The following RALY variants were observed in gnomAD, a reference collection of about 807,000 sequenced individuals.
RALY encodes the protein RALY heterogeneous nuclear ribonucleoprotein.
In RALY, 15 loss-of-function variants were observed where a neutral mutation model predicts 30.7. The observed-to-expected ratio is 0.49, with a 90% CI of 0.33 to 0.75. The LOEUF is 0.75. Ranked by LOEUF, RALY falls within the 30% of genes least tolerant of loss-of-function variation. The pLI, the probability that RALY is intolerant of heterozygous loss-of-function variation, is 0.02. For synonymous variants in RALY, 177 were observed against 170.8 expected (o/e 1.04, Z -0.28); for missense variants, 339 against 414.3 (o/e 0.82, Z 1.58).
chr20:34,078,478 TG>T, intron 8 of RALY, 26 bp from the exon 9 acceptor site: 1 of 1,549,638 alleles, frequency 6.5e-7, no homozygotes, highest in Admixed American at 2.0e-5. Flanking sequence ...GAGTGATGTG[TG>T]GTCTCTCTTA....
intron 1 of RALY, among the ~76,000 whole-genome samples, chr20:34,028,723 A>AC (rs2032145127): frequency 6.6e-6 from 1 of 150,868 alleles, no homozygotes. Context: ...AAAAAAAAAA[A>AC]AAAAAAAAAA....
At chr20:34,054,633 C>G (rs972127899) in intron 2 of RALY, among the ~76,000 whole-genome samples, 2 of 152,106 alleles carry the variant, frequency 1.3e-5, no homozygotes, top group Non-Finnish European at 2.9e-5. Context: ...CGAGACCAGC[C>G]TGACCAATGT....
chr20:34,049,021 G>A (rs182423393), intron 2 of RALY: 1 of 152,184 alleles, frequency 6.6e-6, no homozygotes, highest in Non-Finnish European at 1.5e-5. Flanking sequence ...TATTAGGAGA[G>A]ATTAGAAAGG....
rs150990636 is a variant in RALY at position 34,034,853 on chromosome 20, A to T, written c.-10+3249A>T. 8.3e-4 allele frequency among the ~76,000 whole-genome samples: 127 copies of T among 152,256 alleles called. 4 individuals are homozygous for T. The East Asian group carries it at 0.023, about 27-fold the overall frequency. ...CTGAAAGGGGAGGGGTGAAAGAAGA[A>T]GTTAAAACAACAGTCTGGGCCGGGT... On this transcript the variant is annotated intron_variant, in intron 2 of 9. Coordinates refer to ENST00000246194, the MANE Select transcript of RALY (RefSeq NM_016732.3).
chr20:34,051,852 G>A (rs146277014), intron 2 of RALY, among the ~76,000 whole-genome samples: 1 of 152,308 alleles, frequency 6.6e-6, no homozygotes, highest in African/African-American at 2.4e-5. Context: ...TGATCCAGGT[G>A]CCTTGGCCTC....
intron 1 of RALY, among the ~76,000 whole-genome samples, chr20:34,004,162 C>T (rs2031055663): frequency 6.6e-6 from 1 of 152,176 alleles, no homozygotes; most frequent in Admixed American, 6.5e-5. Context: ...GAAGAGATTG[C>T]TTCCTTTGTA....
At chr20:34,035,536 T>C (rs575471873) in intron 2 of RALY, among the ~76,000 whole-genome samples, 16 of 152,118 alleles carry the variant, frequency 1.1e-4, no homozygotes, top group African/African-American at 3.9e-4. Context: ...TTTTTTATGA[T>C]ATCCTACATT....
Position 34,076,826 on chromosome 20 carries a change from G to A in RALY, c.658+11G>A. The A allele has an allele frequency of 6.2e-7, 1 of 1,612,888 alleles. No homozygotes were observed. The highest frequency in any genetic ancestry group is 1.1e-5 in the South Asian group (1 of 90,862). ...AAAAGGCCAATCCAGGTCAGCCTCTGAGGATTCTCACCCACCTCCATGACC... is the reference window on the plus strand; with the variant it reads ...AAAAGGCCAATCCAGGTCAGCCTCTAAGGATTCTCACCCACCTCCATGACC... On this transcript the variant is annotated intron_variant, in intron 7 of 9. Transcript: ENST00000246194.
chr20:34,060,114 C>G (rs1166819413), intron 2 of RALY, among the ~76,000 whole-genome samples: 1 of 152,144 alleles, frequency 6.6e-6, no homozygotes, highest in African/African-American at 2.4e-5. Flanking sequence ...CTTGAAGAGA[C>G]TTTATCGCAT....
chr20:34,031,048 TC>T (rs1397542517), intron 1 of RALY, among the ~76,000 whole-genome samples: 5 of 51,052 alleles, frequency 9.8e-5, no homozygotes, highest in African/African-American at 1.9e-4. Context: ...CTCCCCTTCC[TC>T]CCCCCCTTTT....
intron 2 of RALY, among the ~76,000 whole-genome samples, chr20:34,033,736 A>T (rs1353168671): frequency 2.0e-5 from 3 of 152,158 alleles, no homozygotes; most frequent in Non-Finnish European, 2.9e-5. Context: ...AGAGGTTTGG[A>T]GGAGTCCACC....
At chr20:34,068,177 A>G (rs2033631331) in intron 2 of RALY, among the ~76,000 whole-genome samples, 1 of 152,064 alleles carries the variant, frequency 6.6e-6, no homozygotes, top group South Asian at 2.1e-4. Context: ...TGCTAAACCT[A>G]GGACCCCTGG....
rs183162007 is a variant in RALY at position 34,022,633 on chromosome 20, C to T, written c.-92-8889C>T. Among the ~76,000 whole-genome samples the T allele has an allele frequency of 7.9e-5, 12 of 152,308 alleles. No individual in the cohort carries two copies. In the East Asian group the frequency reaches 2.1e-3, roughly 27 times the overall value. ...CTCTCCCTGCCACTCTACTGAGCCT[C>T]CTATGCCTCACTTCCTTTTTCCTTC... On this transcript the variant is annotated intron_variant, in intron 1 of 9. Transcript: ENST00000246194.
At chr20:34,003,640 T>TG (rs1555800475) in intron 1 of RALY, among the ~76,000 whole-genome samples, 1 of 142,948 alleles carries the variant, frequency 7.0e-6, no homozygotes, top group African/African-American at 2.7e-5. Context: ...AACAGTTTTT[T>TG]TTTTTTTTTT....
chr20:34,076,805 G>A lies in RALY; in HGVS notation c.648G>A (p.Lys216=), dbSNP rs774847410. ...TGGAGCAGATCGCTGCGGAGCAAAA[G>A]GCCAATCCAGGTCAGCCTCTGAGGA... ...SRLEQIAAEQ[K]ANPDGKKKGD... The change falls in exon 7 of 10, where the codon AAG becomes AAA. Residue 216 remains lysine (K), a synonymous_variant. Transcript: ENST00000246194. 10 of 1,613,792 alleles carry A rather than the reference G, an allele frequency of 6.2e-6. No homozygotes were observed. Among genetic ancestry groups the A allele is most frequent in the African/African-American group, 1.3e-5 (1 of 74,916 alleles).
At chr20:34,065,125 C>G (rs1415022327) in intron 2 of RALY, 1 of 152,110 alleles carries the variant, frequency 6.6e-6, no homozygotes, top group Non-Finnish European at 1.5e-5. Flanking sequence ...TCCACAGTGC[C>G]AGCACAGAGG....
Position 34,077,147 on chromosome 20 carries a change from G to A in RALY, c.778G>A (p.Glu260Lys). The A allele has an allele frequency of 7.4e-6, 12 of 1,613,160 alleles. No homozygotes were observed. The highest frequency in any genetic ancestry group is 1.0e-5 in the Non-Finnish European group (12 of 1,179,786). The change falls in exon 8 of 10, where the codon GAG (glutamate) becomes AAG (lysine). Residue 260 changes from glutamate to lysine, a missense_variant. Physicochemically the swap from Glu to Lys is moderately conservative, Grantham distance 56. Coordinates refer to ENST00000246194, the MANE Select transcript of RALY (RefSeq NM_016732.3). Reference protein sequence around the residue: ...GGSSRPPAPQENTTSEAGLPQ... With the variant: ...GGSSRPPAPQKNTTSEAGLPQ... ...CAGCAGCCGGCCACCAGCCCCCCAA[G>A]AGAACACAACTTCTGAGGCAGGCCT...
intron 2 of RALY, among the ~76,000 whole-genome samples, chr20:34,032,155 G>A (rs1027972130): frequency 2.6e-5 from 4 of 152,176 alleles, no homozygotes; most frequent in African/African-American, 9.7e-5. Context: ...TAGAGACGGG[G>A]TTTCTCCACG....
chr20:34,039,770 C>A (rs560710035), intron 2 of RALY, among the ~76,000 whole-genome samples: 2 of 152,160 alleles, frequency 1.3e-5, no homozygotes, highest in Non-Finnish European at 2.9e-5. Context: ...AATTCAGATT[C>A]CTGCCAGTAC....
Sources: allele counts gnomAD v4.1 joint callset (sites outside exome capture counted in the v4.1 genomes callset), GRCh38; gene constraint gnomAD v4.1.1; transcripts MANE v1.5; gene names NCBI Gene and HGNC (gene_info 2026-07-23, HGNC 2026-07-21).